The following ADAP1 variants were observed in gnomAD, a reference collection of about 807,000 sequenced individuals.
ADAP1 encodes arf-GAP with dual PH domain-containing protein 1.
ADAP1 carries 31 observed loss-of-function variants against 54.9 expected under a neutral mutation model. That is an observed-to-expected ratio of 0.56 (90% CI 0.42 to 0.76). The LOEUF is 0.76. Among genes scored for constraint, ADAP1 ranks in the 30% least tolerant of loss-of-function variants. ADAP1 has a pLI of 0.00. For missense variants in ADAP1, 535 were observed against 512.4 expected (o/e 1.04, Z -0.42); for synonymous variants, 313 against 202.6 (o/e 1.55, Z -4.63).
At chr7:930,114 A>AC (rs1178354030) in intron 2 of ADAP1, among the ~76,000 whole-genome samples, 1 of 149,972 alleles carries the variant, frequency 6.7e-6, no homozygotes, top group African/African-American at 2.4e-5. Context: ...AAAAAAAAAA[A>AC]AAAAAAAAAA....
chr7:911,535 A>C (rs7799008), intron 4 of ADAP1, among the ~76,000 whole-genome samples: 7 of 140,440 alleles, frequency 5.0e-5, no homozygotes, highest in African/African-American at 2.0e-4. Context: ...ATGCCAGGAA[A>C]GGGGCGGGGA....
intron 5 of ADAP1, among the ~76,000 whole-genome samples, chr7:904,595 T>G (rs1051079432): frequency 1.3e-5 from 2 of 152,062 alleles, no homozygotes; most frequent in African/African-American, 4.8e-5. Context: ...CCAGCCCACC[T>G]CCAGCCAGTG....
chr7:947,615 G>A (rs531270110), intron 1 of ADAP1, among the ~76,000 whole-genome samples: 47 of 152,066 alleles, frequency 3.1e-4, no homozygotes, highest in African/African-American at 5.3e-4. Context: ...CCGACATCCC[G>A]TTGACCAGCA....
chr7:949,175 C>T (rs1329204332), intron 1 of ADAP1, among the ~76,000 whole-genome samples: 7 of 152,330 alleles, frequency 4.6e-5, no homozygotes, highest in East Asian at 1.9e-4. Context: ...GTGTACGGAG[C>T]GGGGGAAGGC....
chr7:931,928 G>A lies in ADAP1; in HGVS notation c.213+3447C>T, dbSNP rs1000078359. 4.6e-5 allele frequency among the ~76,000 whole-genome samples: 7 copies of A among 152,222 alleles called. No homozygotes were observed. In the East Asian group the frequency reaches 5.8e-4, roughly 13 times the overall value. On this transcript the variant is annotated intron_variant, in intron 2 of 10. Transcript: ENST00000265846. ...GCAGGCTTAGCCCCCGGATGTCCCCGCTGACCACCAGCCCAGGAATGGCCA... is the reference window on the plus strand; with the variant it reads ...GCAGGCTTAGCCCCCGGATGTCCCCACTGACCACCAGCCCAGGAATGGCCA...
intron 4 of ADAP1, among the ~76,000 whole-genome samples, chr7:918,766 C>G (rs1449111460): frequency 6.8e-6 from 1 of 146,192 alleles, no homozygotes; most frequent in Non-Finnish European, 1.5e-5. Context: ...TGTGCAGACG[C>G]CCAGCTGCCC....
chr7:945,823 C>G lies in ADAP1; in HGVS notation c.82+8573G>C. The G allele has an allele frequency of 6.1e-6, 6 of 985,610 alleles. No homozygotes were observed. The highest frequency in any genetic ancestry group is 7.2e-6 in the Non-Finnish European group (6 of 830,012). The allele number at this position is 985,610 out of a possible 1,614,324, so 61.1% of individuals were successfully genotyped here. A position where few individuals can be genotyped will look rare whatever the true frequency, so the allele number is the denominator to read the frequency against. ...CCATTTCCGGAGCTGGTCTGGGGCA[C>G]CTGGGCAGGTGAGCCACATTCTTGG... On this transcript the variant is annotated intron_variant, in intron 1 of 10. Transcript: ENST00000265846. This position sits in a 1 kb window ranked among gnomAD's most constrained non-coding sequence, Gnocchi z 4.2.
chr7:900,313 C>T, intron 7 of ADAP1, 149 bp from the exon 8 acceptor site: 1 of 1,043,226 alleles, frequency 9.6e-7, no homozygotes, highest in Non-Finnish European at 1.4e-6. Flanking sequence ...ACATTTCTGC[C>T]TCTGCTTGCC....
At chr7:923,688 A>G (rs1261849658) in intron 3 of ADAP1, among the ~76,000 whole-genome samples, 3 of 152,082 alleles carry the variant, frequency 2.0e-5, no homozygotes, top group Non-Finnish European at 4.4e-5. Flanking sequence ...GAGGGACCCC[A>G]GTGTGTGCCG....
intron 4 of ADAP1, among the ~76,000 whole-genome samples, chr7:907,129 G>A (rs1243858044): frequency 1.3e-5 from 2 of 152,130 alleles, no homozygotes; most frequent in Non-Finnish European, 2.9e-5. Flanking sequence ...CTCATCTGAG[G>A]GGAGTCCAGC....
At chr7:912,479 G>C (rs1308455720) in intron 4 of ADAP1, among the ~76,000 whole-genome samples, 1 of 152,196 alleles carries the variant, frequency 6.6e-6, no homozygotes, top group African/African-American at 2.4e-5. Context: ...TTGGCCCAGG[G>C]AGGCGGCGCA....
Position 898,213 on chromosome 7 carries a change from C to T in ADAP1, c.*708G>A, listed in dbSNP as rs1050695040. 6.5e-6 allele frequency: 1 copy of T among 153,112 alleles called. No homozygotes were observed. The highest frequency in any genetic ancestry group is 1.5e-5 in the Non-Finnish European group (1 of 68,682). The allele number at this position is 153,112 out of a possible 1,614,324, so 9.5% of individuals were successfully genotyped here. Reference sequence around the variant, plus strand: ...CCCGGGACCCCCAGGGCCACTCCTGCCTCTGGTGGCCTCACCGCGGCCCAG... The same window carrying T: ...CCCGGGACCCCCAGGGCCACTCCTGTCTCTGGTGGCCTCACCGCGGCCCAG... On this transcript the variant is annotated 3_prime_UTR_variant, in exon 11 of 11. Coordinates refer to ENST00000265846, the MANE Select transcript of ADAP1 (RefSeq NM_006869.4).
intron 2 of ADAP1, among the ~76,000 whole-genome samples, chr7:929,066 G>C (rs1214016866): frequency 6.6e-6 from 1 of 152,182 alleles, no homozygotes; most frequent in African/African-American, 2.4e-5. Flanking sequence ...GGCAGAGGTG[G>C]GCAGATCACG....
intron 4 of ADAP1, among the ~76,000 whole-genome samples, chr7:919,586 AAGAG>A (rs552770042): frequency 2.8e-5 from 4 of 144,982 alleles, no homozygotes; most frequent in Non-Finnish European, 3.0e-5. Flanking sequence ...GATAGACGTG[AAGAG>A]AGAGGAAGAG....
Position 899,037 on chromosome 7 carries a change from G to A in ADAP1, c.1092C>T (p.Tyr364=), listed in dbSNP as rs138327413. 280 of 1,609,334 alleles carry A rather than the reference G, an allele frequency of 1.7e-4. No homozygotes were observed. The highest frequency in any genetic ancestry group is 2.1e-4 in the Non-Finnish European group (248 of 1,179,858). ...CCGGCCGCCCGCCCCCCTCACCTGC[G>A]TACTCCTGGGGCAGCATGGGCCTGT... ...AVDRPMLPQE[Y]AVEAHFKHKP is the part of the protein sequence containing the mutation. The change falls in exon 10 of 11, where the codon TAC becomes TAT. Residue 364 remains tyrosine (Y), a synonymous_variant. Transcript: ENST00000265846.
Position 920,669 on chromosome 7 carries a change from G to A in ADAP1, c.306-619C>T. 3 of 843,818 alleles carry A rather than the reference G, an allele frequency of 3.6e-6. No individual in the cohort carries two copies. The highest frequency in any genetic ancestry group is 2.7e-5 in the East Asian group (1 of 36,716). The allele number at this position is 843,818 out of a possible 1,614,324, so 52.3% of individuals were successfully genotyped here. ...CCAAGAATCCAGGAAGACCCGGGAT[G>A]AGGAGAAGCCCCCGAGAGTAAAGCC... On this transcript the variant is annotated intron_variant, in intron 3 of 10. Transcript: ENST00000265846. This position sits in a 1 kb window ranked among gnomAD's most constrained non-coding sequence, Gnocchi z 4.5.
chr7:953,225 C>A (rs549256087), intron 1 of ADAP1, among the ~76,000 whole-genome samples: 1 of 152,336 alleles, frequency 6.6e-6, no homozygotes, highest in South Asian at 2.1e-4. Flanking sequence ...CTGTGGCCGT[C>A]CTGTCTCAGG....
At position 920,538 on chromosome 7, in the gene ADAP1, C is replaced by G. The variant is rs13233276; in HGVS notation, c.306-488G>C. On this transcript the variant is annotated intron_variant, in intron 3 of 10. Coordinates refer to ENST00000265846, the MANE Select transcript of ADAP1 (RefSeq NM_006869.4). This position sits in a 1 kb window ranked among gnomAD's most constrained non-coding sequence, Gnocchi z 4.5. ...TGCACCCCCCGTGCCGCCCTCCACC[C>G]GCCGTGCCGCCCTCCACGTGGTTCT... Among the ~76,000 whole-genome samples, 60 of 151,784 alleles carry G rather than the reference C, an allele frequency of 4.0e-4. No individual in the cohort carries two copies. Among genetic ancestry groups the G allele is most frequent in the African/African-American group, 1.5e-3 (60 of 41,370 alleles).
At chr7:944,643 T>A (rs1291293043) in intron 1 of ADAP1, among the ~76,000 whole-genome samples, 2 of 152,224 alleles carry the variant, frequency 1.3e-5, no homozygotes, top group African/African-American at 4.8e-5. Context: ...GCTACAGGCA[T>A]GCAATGTGAA....
Sources: allele counts gnomAD v4.1 joint callset (sites outside exome capture counted in the v4.1 genomes callset), GRCh38; gene constraint gnomAD v4.1.1; non-coding constraint Gnocchi (gnomAD v3.1); transcripts MANE v1.5; gene names NCBI Gene and HGNC (gene_info 2026-07-23, HGNC 2026-07-21).